The following ZDHHC21 variants were observed in gnomAD, a reference collection of about 807,000 sequenced individuals.
The protein encoded by ZDHHC21 is palmitoyltransferase ZDHHC21.
Under a neutral mutation model 34.6 loss-of-function variants are expected in ZDHHC21, and 15 were observed. That is an observed-to-expected ratio of 0.43 (90% CI 0.29 to 0.67). ZDHHC21 has a LOEUF of 0.67. ZDHHC21 is among the 30% of genes least tolerant of loss of function. The probability of loss-of-function intolerance (pLI) is 0.14; values close to 1 mark genes in which losing one functional copy is unlikely to be tolerated. For missense variants in ZDHHC21, 344 were observed against 327.7 expected (o/e 1.05, Z -0.38); for synonymous variants, 142 against 101.8 (o/e 1.40, Z -2.38).
At chr9:14,624,085 T>TA (rs1825798716) in intron 8 of ZDHHC21, among the ~76,000 whole-genome samples, 1 of 151,976 alleles carries the variant, frequency 6.6e-6, no homozygotes, top group African/African-American at 2.4e-5. Context: ...GAAAATACTT[T>TA]AAGAAAAACT....
At chr9:14,660,079 G>A (rs929151496) in intron 6 of ZDHHC21, among the ~76,000 whole-genome samples, 1 of 151,990 alleles carries the variant, frequency 6.6e-6, no homozygotes, top group Non-Finnish European at 1.5e-5. Flanking sequence ...TAGAAAGAAT[G>A]ATCAGGCCAG....
At chr9:14,664,696 C>A (rs1834077787) in intron 5 of ZDHHC21, among the ~76,000 whole-genome samples, 1 of 151,792 alleles carries the variant, frequency 6.6e-6, no homozygotes, top group Non-Finnish European at 1.5e-5. Context: ...GGTCCCTGAC[C>A]CCCAAGCAGC....
chr9:14,597,057 GA>G, the ZDHHC21 span, among the ~76,000 whole-genome samples: 1 of 152,168 alleles, frequency 6.6e-6, no homozygotes, highest in Non-Finnish European at 1.5e-5. Context: ...AGCCAAGGTA[GA>G]GCCCCTCAGC....
intron 2 of ZDHHC21, among the ~76,000 whole-genome samples, chr9:14,685,817 A>C (rs566500460): frequency 1.2e-3 from 176 of 152,358 alleles, no homozygotes; most frequent in South Asian, 5.0e-3. Context: ...ATGTTCATCA[A>C]TGATAGACTG....
intron 7 of ZDHHC21, among the ~76,000 whole-genome samples, chr9:14,644,947 G>C (rs1274264660): frequency 6.6e-6 from 1 of 151,928 alleles, no homozygotes; most frequent in Non-Finnish European, 1.5e-5. Context: ...TATAAACAGA[G>C]CAAGGTAGGA....
At chr9:14,629,777 G>A (rs929156773) in intron 8 of ZDHHC21, among the ~76,000 whole-genome samples, 4 of 152,016 alleles carry the variant, frequency 2.6e-5, no homozygotes, top group Admixed American at 1.3e-4. Context: ...ACAATAAACC[G>A]GTGGCTCACA....
intron 7 of ZDHHC21, among the ~76,000 whole-genome samples, chr9:14,655,815 C>T (rs1435909542): frequency 6.6e-6 from 1 of 150,734 alleles, no homozygotes; most frequent in East Asian, 1.9e-4. Context: ...GACAAAATAC[C>T]AGTTATACTA....
chr9:14,598,875 T>C, the ZDHHC21 span, among the ~76,000 whole-genome samples: 2 of 151,988 alleles, frequency 1.3e-5, no homozygotes, highest in African/African-American at 4.8e-5. Flanking sequence ...CCCACTCCAG[T>C]CTCCCAAGTA....
intron 3 of ZDHHC21, among the ~76,000 whole-genome samples, chr9:14,675,908 G>C (rs2131554146): frequency 6.6e-6 from 1 of 151,980 alleles, no homozygotes; most frequent in Admixed American, 6.6e-5. Context: ...AGAAGGAATA[G>C]GAGGAGCAAG....
intron 8 of ZDHHC21, among the ~76,000 whole-genome samples, chr9:14,635,411 C>T (rs1018541203): frequency 1.3e-5 from 2 of 152,124 alleles, no homozygotes; most frequent in Non-Finnish European, 2.9e-5. Context: ...AAGTCAAAGA[C>T]AGAGAATTGT....
chr9:14,664,363 C>T (rs979559531), intron 5 of ZDHHC21, among the ~76,000 whole-genome samples: 59 of 151,670 alleles, frequency 3.9e-4, no homozygotes, highest in Non-Finnish European at 3.1e-4. Flanking sequence ...GTCCTATGCC[C>T]ACGGAGTCTC....
chr9:14,659,226 A>AAG (rs1299775172), intron 6 of ZDHHC21, among the ~76,000 whole-genome samples: 7 of 152,258 alleles, frequency 4.6e-5, no homozygotes, highest in Non-Finnish European at 7.3e-5. Flanking sequence ...GTAGAGTTAG[A>AAG]AGACATAGGG....
chr9:14,637,007 G>T (rs1828422195), intron 8 of ZDHHC21, among the ~76,000 whole-genome samples: 1 of 151,824 alleles, frequency 6.6e-6, no homozygotes. Flanking sequence ...AGAAAAGCAA[G>T]AATGAACCAA....
intron 6 of ZDHHC21, among the ~76,000 whole-genome samples, chr9:14,660,041 G>C (rs1337419906): frequency 2.0e-5 from 3 of 152,066 alleles, no homozygotes; most frequent in African/African-American, 7.2e-5. Flanking sequence ...CAATCTATAT[G>C]AGTTCTTTTT....
chr9:14,641,336 C>A (rs1295180121), intron 7 of ZDHHC21, among the ~76,000 whole-genome samples: 4 of 152,056 alleles, frequency 2.6e-5, no homozygotes, highest in African/African-American at 9.7e-5. Context: ...GTAAAAAGAA[C>A]CCAATATAGA....
In ZDHHC21 at chr9:14,680,039, C is replaced by G. The variant is rs192542197; in HGVS notation, c.-52G>C. The G allele has an allele frequency of 4.5e-4, 68 of 152,634 alleles. No individual in the cohort carries two copies. Among genetic ancestry groups the G allele is most frequent in the African/African-American group, 1.6e-3 (66 of 41,544 alleles). 9.5% of individuals were successfully genotyped at this position (152,634 alleles called of 1,614,324 possible). A position where few individuals can be genotyped will look rare whatever the true frequency, so the allele number is the denominator to read the frequency against. ...AAATCAAAAGCAAACTTACCACTTG[C>G]AAATTCACTGAGATGTGCTGTAATT... On this transcript the variant is annotated 5_prime_UTR_variant, in exon 3 of 10. Coordinates refer to ENST00000380916, the MANE Select transcript of ZDHHC21 (RefSeq NM_178566.6).
Position 14,666,605 on chromosome 9 carries a change from C to T in ZDHHC21, c.254-4279G>A, listed in dbSNP as rs1484002133. On this transcript the variant is annotated intron_variant, in intron 5 of 9. Transcript: ENST00000380916. The stretch of plus-strand genomic sequence containing the variant: ...ATTGACCACATAGTAGGAAGTAAAG[C>T]TCTCCTCAGCAAATGTAAAAGAACA... Among the ~76,000 whole-genome samples, 3 of 108,064 alleles carry T rather than the reference C, an allele frequency of 2.8e-5. 1 individual carries two copies. The highest frequency in any genetic ancestry group is 4.2e-5 in the Non-Finnish European group (2 of 47,884). 70.9% of individuals were successfully genotyped at this position (108,064 alleles called of 152,430 possible).
At chr9:14,687,694 A>G (rs1192962576) in intron 2 of ZDHHC21, among the ~76,000 whole-genome samples, 1 of 150,894 alleles carries the variant, frequency 6.6e-6, no homozygotes, top group Admixed American at 6.6e-5. Context: ...ACAAAACAAA[A>G]CAAAAGTAAC....
At chr9:14,644,862 T>G (rs1830027603) in intron 7 of ZDHHC21, among the ~76,000 whole-genome samples, 1 of 151,702 alleles carries the variant, frequency 6.6e-6, no homozygotes, top group African/African-American at 2.4e-5. Context: ...TTACTTTGCT[T>G]TAGTCTGTAG....
Sources: gnomAD v4.1 joint callset for allele counts (sites outside exome capture counted in the v4.1 genomes callset) on GRCh38, gnomAD v4.1.1 for gene constraint, MANE v1.5 for transcripts, NCBI Gene and HGNC (gene_info 2026-07-23, HGNC 2026-07-21) for gene names.